The following VPS13D variants were observed in gnomAD, a reference collection of about 807,000 sequenced individuals.
The protein encoded by VPS13D is intermembrane lipid transfer protein VPS13D.
A neutral mutation model predicts 461.9 loss-of-function variants in VPS13D; 187 were observed. The ratio of observed to expected loss-of-function variants is 0.40; its 90% CI spans 0.36 to 0.46. VPS13D has a LOEUF of 0.46. VPS13D is among the 20% of genes least tolerant of loss of function. The pLI is 0.60. For missense variants in VPS13D, 4,711 were observed against 5,364.9 expected, an observed-to-expected ratio of 0.88 and a Z score of 3.81; for synonymous variants, 1,951 against 1,986.3, an observed-to-expected ratio of 0.98 and a Z score of 0.47.
chr1:12,337,336 G>C (rs1643473996), intron 39 of VPS13D: 1 of 152,098 alleles, frequency 6.6e-6, no homozygotes, highest in South Asian at 2.1e-4. Context: ...TGATCATTGG[G>C]AATTTATTTT....
chr1:12,280,691 A>G (rs553365855), intron 20 of VPS13D, among the ~76,000 whole-genome samples: 30 of 151,916 alleles, frequency 2.0e-4, no homozygotes, highest in African/African-American at 7.0e-4. Context: ...GTTTCACCAC[A>G]TTGGCCAGGC....
chr1:12,261,068 G>T lies in VPS13D; in HGVS notation c.1333G>T (p.Gly445Trp), dbSNP rs199641752. The T allele has an allele frequency of 6.2e-7, 1 of 1,614,116 alleles. No homozygotes were observed. Among genetic ancestry groups the T allele is most frequent in the South Asian group, 1.1e-5 (1 of 91,074 alleles). ...SWFPGWGGWY[G>W]QQTPEGNVVE... The stretch of plus-strand genomic sequence containing the variant: ...GTTTCCTGGATGGGGTGGCTGGTAC[G>T]GGCAGCAGACCCCAGAAGGGAATGT... Residue 445 changes from glycine to tryptophan, a missense_variant, in exon 12 of 70, where the codon GGG (glycine) becomes TGG (tryptophan). Gly to Trp is a radical substitution (Grantham distance 184). Coordinates refer to ENST00000620676, the MANE Select transcript of VPS13D (RefSeq NM_015378.4).
At chr1:12,388,516 T>A (rs1412658254) in intron 60 of VPS13D, among the ~76,000 whole-genome samples, 2 of 151,534 alleles carry the variant, frequency 1.3e-5, no homozygotes, top group Non-Finnish European at 2.9e-5. Flanking sequence ...GGAGGTTGCA[T>A]TGAGCCAAGA....
At chr1:12,377,713 G>A (rs1215567099) in intron 55 of VPS13D, among the ~76,000 whole-genome samples, 1 of 151,288 alleles carries the variant, frequency 6.6e-6, no homozygotes, top group African/African-American at 2.4e-5. Context: ...CCAGCTACTC[G>A]GGAGGCTGAG....
chr1:12,276,877 G>C lies in VPS13D; in HGVS notation c.3289G>C (p.Asp1097His). Residue 1097 changes from aspartate to histidine, a missense_variant, in exon 19 of 70, where the codon GAC (aspartate) becomes CAC (histidine). Asp to His is a moderately conservative substitution (Grantham distance 81). Around this residue, in one of 3 missense-constraint regions of VPS13D, gnomAD observed 4,411 missense variants for 4,937.8 expected, o/e 0.89. Coordinates refer to ENST00000620676, the MANE Select transcript of VPS13D (RefSeq NM_015378.4). This position sits in a 1 kb window ranked among gnomAD's most constrained non-coding sequence, Gnocchi z 4.5. ...TTCAGAGTGCCCATCGATGAATTTA[G>C]ACAGTACTCTTCAGGTGATTTCCCT... is the stretch of plus-strand genomic sequence containing the variant. ...VSSECPSMNL[D>H]STLQVISLQV... The C allele has an allele frequency of 1.2e-6, 2 of 1,614,146 alleles. No homozygotes were observed. Among genetic ancestry groups the C allele is most frequent in the Non-Finnish European group, 1.7e-6 (2 of 1,180,008 alleles).
chr1:12,277,729 A>G lies in VPS13D; in HGVS notation c.4141A>G (p.Ile1381Val). The change falls in exon 19 of 70, where the codon ATT becomes GTT. Residue 1381 changes from isoleucine to valine, a missense_variant. By Grantham distance (29) the Ile-to-Val change is conservative. This residue lies in a region of VPS13D where 4,411 missense variants were observed against 4,937.8 expected (regional missense o/e 0.89). Transcript: ENST00000620676. ...TGTAAAGCTAATCTTGAACATAAAC[A>G]TTGAATCACCAGTTGTTTCTATCCC... Reference protein sequence around the residue: ...DTVKLILNINIESPVVSIPRK... With the variant: ...DTVKLILNINVESPVVSIPRK... 6.2e-7 allele frequency: 1 copy of G among 1,614,216 alleles called. No individual in the cohort carries two copies. The highest frequency in any genetic ancestry group is 8.5e-7 in the Non-Finnish European group (1 of 1,180,024).
chr1:12,346,600 T>C lies in VPS13D; in HGVS notation c.9022-5T>C. 1 of 1,612,988 alleles carries C rather than the reference T, an allele frequency of 6.2e-7. No homozygotes were observed. Among genetic ancestry groups the C allele is most frequent in the Non-Finnish European group, 8.5e-7 (1 of 1,179,684 alleles). On this transcript the variant is annotated splice_region_variant and splice_polypyrimidine_tract_variant and intron_variant, in intron 43 of 69. Transcript: ENST00000620676. ...GCTGACTCTAACTTTTGAAATCTTT[T>C]TCAGATTGGCAGCCCAAGCAGCAGA...
At chr1:12,459,006 G>A (rs1294867984) in intron 66 of VPS13D, among the ~76,000 whole-genome samples, 2 of 152,160 alleles carry the variant, frequency 1.3e-5, no homozygotes, top group East Asian at 3.9e-4. Flanking sequence ...TATAATCGCC[G>A]ATACCGAATT....
At position 12,314,144 on chromosome 1, in the gene VPS13D, A is replaced by G. The variant is rs375423409; in HGVS notation, c.6965A>G (p.Tyr2322Cys). Reference protein sequence around the residue: ...RFDFKKCKLLYESFSNQTKSI... With the variant: ...RFDFKKCKLLCESFSNQTKSI... ...GACTTCAAGAAATGCAAACTGCTCTATGAAAGTTTTTCCAACCAAACCAAG... is the reference window on the plus strand; with the variant it reads ...GACTTCAAGAAATGCAAACTGCTCTGTGAAAGTTTTTCCAACCAAACCAAG... The change falls in exon 30 of 70, where the codon TAT becomes TGT. Residue 2322 changes from tyrosine to cysteine, a missense_variant. Physicochemically the swap from Tyr to Cys is radical, Grantham distance 194 (BLOSUM62 -2). Coordinates refer to ENST00000620676, the MANE Select transcript of VPS13D (RefSeq NM_015378.4). 5.0e-6 allele frequency: 8 copies of G among 1,614,156 alleles called. No individual in the cohort carries two copies. Among genetic ancestry groups the G allele is most frequent in the East Asian group, 2.2e-5 (1 of 44,884 alleles).
rs199524795 is a variant in VPS13D, at chr1:12,460,374, A to G, written c.12640A>G (p.Thr4214Ala). ...AGAAACAGCCCAGGCGGTGAGAGAC[A>G]CAGCCACACTCAGCGGCCCCAGGTC... is the stretch of plus-strand genomic sequence containing the variant. ...ASETAQAVRDTATLSGPRTQA... is the reference protein window; with the variant it reads ...ASETAQAVRDAATLSGPRTQA... The change falls in exon 67 of 70, where the codon ACA becomes GCA. Residue 4214 changes from threonine to alanine, a missense_variant. By Grantham distance (58) the Thr-to-Ala change is moderately conservative. Around this residue, in one of 3 missense-constraint regions of VPS13D, gnomAD observed 194 missense variants for 220.9 expected, o/e 0.88. Coordinates refer to ENST00000620676, the MANE Select transcript of VPS13D (RefSeq NM_015378.4). 1.7e-5 allele frequency: 27 copies of G among 1,606,012 alleles called. No individual in the cohort carries two copies. The highest frequency in any genetic ancestry group is 2.2e-5 in the Non-Finnish European group (26 of 1,175,806).
rs1180265369 is a variant in VPS13D at position 12,400,200 on chromosome 1, G to A, written c.11654G>A (p.Gly3885Asp). 1.2e-6 allele frequency: 2 copies of A among 1,614,010 alleles called. No homozygotes were observed. Among genetic ancestry groups the A allele is most frequent in the Admixed American group, 3.3e-5 (2 of 60,022 alleles). Residue 3885 changes from glycine to aspartate, a missense_variant, in exon 61 of 70, where the codon GGT becomes GAT. Physicochemically the swap from Gly to Asp is moderately conservative, Grantham distance 94. This residue lies in a region of VPS13D where 4,411 missense variants were observed against 4,937.8 expected (regional missense o/e 0.89). Transcript: ENST00000620676. ...CCGTAGGTGGACAATCAGCTCATTG[G>A]TACCACGCAGCCCTTCATGCTCTAT... The part of the protein sequence containing the change: ...QDVQVDNQLI[G>D]TTQPFMLYVT...
At chr1:12,437,084 C>T (rs1300795651) in intron 65 of VPS13D, among the ~76,000 whole-genome samples, 1 of 152,090 alleles carries the variant, frequency 6.6e-6, no homozygotes, top group Non-Finnish European at 1.5e-5. Flanking sequence ...GAGGGGGGTA[C>T]CCAAAAACCC....
Position 12,314,210 on chromosome 1 carries a change from C to T in VPS13D, c.7031C>T (p.Thr2344Ile), listed in dbSNP as rs1642831998. Residue 2344 changes from threonine to isoleucine, a missense_variant, in exon 30 of 70, where the codon ACC becomes ATC. Coordinates refer to ENST00000620676, the MANE Select transcript of VPS13D (RefSeq NM_015378.4). ...TCCCATTCCATGATGGCTTTTGACA[C>T]CCGTTATGCTGGGCAGAAGACCAGC... ...LVSHSMMAFD[T>I]RYAGQKTSPG... 1.2e-6 allele frequency: 2 copies of T among 1,614,046 alleles called. No individual in the cohort carries two copies. The highest frequency in any genetic ancestry group is 1.3e-5 in the African/African-American group (1 of 74,940).
intron 56 of VPS13D, among the ~76,000 whole-genome samples, chr1:12,379,162 G>C (rs1644239903): frequency 6.6e-6 from 1 of 152,190 alleles, no homozygotes; most frequent in Non-Finnish European, 1.5e-5. Context: ...CTGTTGGAAA[G>C]ATTTTACATG....
Position 12,461,829 on chromosome 1 carries a change from C to G in VPS13D, c.12662+1433C>G, listed in dbSNP as rs547821148. On this transcript the variant is annotated intron_variant, in intron 67 of 69. Coordinates refer to ENST00000620676, the MANE Select transcript of VPS13D (RefSeq NM_015378.4). ...TGCTGTGAAGTTTTAATAATGTTGA[C>G]GAGAAAGAAACGGCTTGAATTTTAT... 3.3e-5 allele frequency among the ~76,000 whole-genome samples: 5 copies of G among 152,246 alleles called. No homozygotes were observed. The East Asian group carries it at 9.7e-4, about 29-fold the overall frequency.
At chr1:12,348,121 G>C (rs193299788) in intron 44 of VPS13D, among the ~76,000 whole-genome samples, 1 of 152,248 alleles carries the variant, frequency 6.6e-6, no homozygotes, top group Admixed American at 6.5e-5. Context: ...AAAAAAAGAA[G>C]TTATTATTTG....
chr1:12,443,626 A>T (rs1645155528), intron 65 of VPS13D, among the ~76,000 whole-genome samples: 1 of 151,360 alleles, frequency 6.6e-6, no homozygotes, highest in Non-Finnish European at 1.5e-5. Flanking sequence ...TGTTATTGTC[A>T]TGTATTTTAG....
At chr1:12,254,666 G>GGTGCCCACCAAC (rs1640855987) in intron 7 of VPS13D, among the ~76,000 whole-genome samples, 1 of 151,676 alleles carries the variant, frequency 6.6e-6, no homozygotes, top group Non-Finnish European at 1.5e-5. Flanking sequence ...TGGGTTTACT[G>GGTGCCCACCAAC]GTGCCCACCA....
Position 12,378,506 on chromosome 1 carries a change from A to T in VPS13D, c.10996A>T (p.Asn3666Tyr). The T allele has an allele frequency of 1.2e-6, 2 of 1,612,910 alleles. No individual in the cohort carries two copies. Among genetic ancestry groups the T allele is most frequent in the Non-Finnish European group, 1.7e-6 (2 of 1,179,542 alleles). The change falls in exon 56 of 70, where the codon AAT becomes TAT. Residue 3666 changes from asparagine to tyrosine, a missense_variant. Asn to Tyr is a moderately radical substitution (Grantham distance 143). Coordinates refer to ENST00000620676, the MANE Select transcript of VPS13D (RefSeq NM_015378.4). ...LAHEGSSVPH[N>Y]PNKPSAARST... The stretch of plus-strand genomic sequence containing the variant: ...CCATGAGGGCTCCTCAGTTCCTCAC[A>T]ATCCCAATAAGCCCTCAGCCGCCCG...
Sources: allele counts gnomAD v4.1 joint callset (sites outside exome capture counted in the v4.1 genomes callset), GRCh38; gene constraint gnomAD v4.1.1; regional missense constraint gnomAD v4.1.1; non-coding constraint Gnocchi (gnomAD v3.1); transcripts MANE v1.5; gene names NCBI Gene and HGNC (gene_info 2026-07-23, HGNC 2026-07-21).